Variants in PTPRT observed in about 807,000 individuals in gnomAD.
PTPRT encodes the protein receptor-type tyrosine-protein phosphatase T.
Under a neutral mutation model 176.8 loss-of-function variants are expected in PTPRT, and 56 were observed. That is an observed-to-expected ratio of 0.32 (90% CI 0.26 to 0.40). The LOEUF (loss-of-function observed/expected upper bound fraction) is 0.40. PTPRT is among the 10% of genes least tolerant of loss of function. The pLI, the probability that PTPRT is intolerant of heterozygous loss-of-function variation, is 1.00. For synonymous variants in PTPRT, 783 were observed against 739.0 expected (o/e 1.06, Z -0.96); for missense variants, 1,540 against 1,908.2 (o/e 0.81, Z 3.60).
chr20:42,780,140 A>T, intron 4 of PTPRT, 78 bp downstream of exon 4: 1 of 1,140,126 alleles, frequency 8.8e-7, no homozygotes, highest in South Asian at 1.2e-5. Context: ...AAGCTGAATG[A>T]ATGGAAGGGA....
At chr20:43,149,620 G>A (rs2014278876) in intron 1 of PTPRT, among the ~76,000 whole-genome samples, 1 of 152,146 alleles carries the variant, frequency 6.6e-6, no homozygotes, top group Non-Finnish European at 1.5e-5. Flanking sequence ...TGAAGTGGAG[G>A]TAATTTACCA....
At chr20:42,613,236 C>T (rs2145830338) in intron 7 of PTPRT, among the ~76,000 whole-genome samples, 1 of 152,310 alleles carries the variant, frequency 6.6e-6, no homozygotes, top group Non-Finnish European at 1.5e-5. Context: ...CTTTTTCATT[C>T]ACACCAGGTG....
chr20:42,646,364 C>T (rs1157062714), intron 7 of PTPRT, among the ~76,000 whole-genome samples: 2 of 152,132 alleles, frequency 1.3e-5, no homozygotes, highest in African/African-American at 2.4e-5. Flanking sequence ...AACACAGCCA[C>T]CCCATTCCTT....
intron 1 of PTPRT, among the ~76,000 whole-genome samples, chr20:43,054,168 T>C (rs1568756552): frequency 1.3e-5 from 2 of 152,126 alleles, no homozygotes; most frequent in Non-Finnish European, 2.9e-5. Context: ...ACCTCCAATC[T>C]ACTTGAGAAA....
chr20:42,599,386 A>G (rs1269812457), intron 7 of PTPRT, among the ~76,000 whole-genome samples: 1 of 152,156 alleles, frequency 6.6e-6, no homozygotes, highest in Non-Finnish European at 1.5e-5. Flanking sequence ...TCTGCAAACC[A>G]CCGGAGCTTA....
intron 2 of PTPRT, among the ~76,000 whole-genome samples, chr20:42,792,037 G>C (rs1419308362): frequency 6.6e-6 from 1 of 152,212 alleles, no homozygotes; most frequent in Non-Finnish European, 1.5e-5. Flanking sequence ...TGCTTGCCTT[G>C]CTGGGCTTGC....
chr20:42,108,652 A>AAAAC (rs3091922), intron 23 of PTPRT, among the ~76,000 whole-genome samples: 4 of 151,720 alleles, frequency 2.6e-5, no homozygotes, highest in East Asian at 1.9e-4. Flanking sequence ...TGGGAATATG[A>AAAAC]AAACAAACAA....
In PTPRT at chr20:42,184,541, C is replaced by CTCCTCTTCTTCTTCTTCTTCTTCT. The variant is rs1990661146; in HGVS notation, c.2491+14698_2491+14699insAGAAGAAGAAGAAGAAGAAGAGGA. Among the ~76,000 whole-genome samples, 3 of 91,546 alleles carry CTCCTCTTCTTCTTCTTCTTCTTCT rather than the reference C, an allele frequency of 3.3e-5. 1 individual carries two copies. The highest frequency in any genetic ancestry group is 6.2e-5 in the Non-Finnish European group (3 of 48,510). 60.1% of individuals were successfully genotyped at this position (91,546 alleles called of 152,430 possible). On this transcript the variant is annotated intron_variant, in intron 16 of 30. Transcript: ENST00000373187. ...CTCCTTCTTCTTCTTCTTCCTCTTCCTCTTCTTCTTCTTCTTCTTATTCTT... is the reference window on the plus strand; with the variant it reads ...CTCCTTCTTCTTCTTCTTCCTCTTCCTCCTCTTCTTCTTCTTCTTCTTCTTCTTCTTCTTCTTCTTCTTATTCTT...
chr20:42,716,617 ATTTG>A (rs2076227725), intron 6 of PTPRT, among the ~76,000 whole-genome samples: 1 of 152,036 alleles, frequency 6.6e-6, no homozygotes, highest in Non-Finnish European at 1.5e-5. Context: ...TTTCTTGTAA[ATTTG>A]TTTGAGTTCG....
At chr20:42,061,755 T>C in the PTPRT span, among the ~76,000 whole-genome samples, 1 of 152,330 alleles carries the variant, frequency 6.6e-6, no homozygotes, top group East Asian at 1.9e-4. Flanking sequence ...TTCTAGTTCT[T>C]TCAAAAATCT....
intron 18 of PTPRT, among the ~76,000 whole-genome samples, chr20:42,133,794 A>C (rs958883387): frequency 1.3e-5 from 2 of 152,200 alleles, no homozygotes; most frequent in Non-Finnish European, 2.9e-5. Context: ...GAGGGAGTAC[A>C]TGGGAATGAG....
rs1400899318 is a variant in PTPRT, at chr20:43,026,802, A to G, written c.89-140870T>C. Among the ~76,000 whole-genome samples the G allele has an allele frequency of 2.0e-5, 3 of 152,130 alleles. No homozygotes were observed. In the East Asian group the frequency reaches 5.8e-4, roughly 29 times the overall value. The stretch of plus-strand genomic sequence containing the variant: ...CTATTGTTTTAATTTTTAGCTCCCA[A>G]AAATAAGTGAGAGCATGTGAAGTTG... On this transcript the variant is annotated intron_variant, in intron 1 of 30. Transcript: ENST00000373187.
chr20:43,082,568 T>C (rs193203406), intron 1 of PTPRT, among the ~76,000 whole-genome samples: 12 of 152,258 alleles, frequency 7.9e-5, no homozygotes, highest in African/African-American at 2.4e-4. Context: ...GGAAATTTAG[T>C]TCCAGGTTGG....
intron 7 of PTPRT, among the ~76,000 whole-genome samples, chr20:42,563,394 C>G (rs189549772): frequency 7.9e-5 from 12 of 152,290 alleles, no homozygotes; most frequent in Admixed American, 6.5e-4. Context: ...AATTAGACCT[C>G]TCATATGCTC....
At chr20:43,102,543 G>A (rs1001528270) in intron 1 of PTPRT, among the ~76,000 whole-genome samples, 1 of 152,272 alleles carries the variant, frequency 6.6e-6, no homozygotes, top group Admixed American at 6.5e-5. Flanking sequence ...ACCTCCCTTT[G>A]GTGCTCCCCA....
At chr20:42,666,904 T>C (rs1041474616) in intron 7 of PTPRT, among the ~76,000 whole-genome samples, 7 of 152,348 alleles carry the variant, frequency 4.6e-5, no homozygotes, top group African/African-American at 1.7e-4. Context: ...TTCCAATAGC[T>C]TGTTTTTTCA....
At chr20:42,516,458 T>C (rs1466724972) in intron 7 of PTPRT, among the ~76,000 whole-genome samples, 3 of 152,182 alleles carry the variant, frequency 2.0e-5, no homozygotes, top group African/African-American at 7.2e-5. Flanking sequence ...GTGAGATACA[T>C]CATGTTGAAT....
chr20:42,175,319 A>G (rs995625166), intron 16 of PTPRT, among the ~76,000 whole-genome samples: 4 of 152,122 alleles, frequency 2.6e-5, no homozygotes, highest in Non-Finnish European at 4.4e-5. Flanking sequence ...GGCTGCAGCC[A>G]CACTGTCTCC....
chr20:42,479,898 T>C (rs1422988927), intron 7 of PTPRT, among the ~76,000 whole-genome samples: 1 of 152,176 alleles, frequency 6.6e-6, no homozygotes, highest in Non-Finnish European at 1.5e-5. Context: ...TAAGCAAGCA[T>C]AGGAATCCAG....
Sources: allele counts gnomAD v4.1 joint callset (sites outside exome capture counted in the v4.1 genomes callset), GRCh38; gene constraint gnomAD v4.1.1; transcripts MANE v1.5; gene names NCBI Gene and HGNC (gene_info 2026-07-23, HGNC 2026-07-21).